The following NFATC2 variants were observed in gnomAD, a reference collection of about 807,000 sequenced individuals.
The protein encoded by NFATC2 is nuclear factor of activated T-cells, cytoplasmic 2.
In NFATC2, 22 loss-of-function variants were observed where a neutral mutation model predicts 87.3. The ratio of observed to expected loss-of-function variants is 0.25; its 90% CI spans 0.18 to 0.36. The LOEUF is 0.36. NFATC2 is among the 10% of genes least tolerant of loss of function. The probability of loss-of-function intolerance (pLI) is 1.00; values close to 1 mark genes in which losing one functional copy is unlikely to be tolerated. For synonymous variants in NFATC2, 565 were observed against 542.2 expected (o/e 1.04, Z -0.58); for missense variants, 1,149 against 1,259.1 (o/e 0.91, Z 1.32).
intron 9 of NFATC2, among the ~76,000 whole-genome samples, chr20:51,403,653 G>A (rs952467496): frequency 1.3e-5 from 2 of 152,064 alleles, no homozygotes; most frequent in Non-Finnish European, 2.9e-5. Context: ...TGGAATTAGT[G>A]GCCTAAGAAG....
chr20:51,391,380 G>C lies in NFATC2; in HGVS notation c.*116C>G, dbSNP rs1986300094. 2.6e-6 allele frequency: 4 copies of C among 1,549,630 alleles called. No individual in the cohort carries two copies. The African/African-American group carries it at 5.6e-5, about 22-fold the overall frequency. On this transcript the variant is annotated 3_prime_UTR_variant, in exon 11 of 11. Transcript: ENST00000371564. ...AGGGGTCAGATACAGAAGGTGTCTT[G>C]CTATAATGGCTTCTTTTACGTCTGA...
intron 1 of NFATC2, among the ~76,000 whole-genome samples, chr20:51,536,016 A>C (rs2076713934): frequency 6.6e-6 from 1 of 152,176 alleles, no homozygotes; most frequent in Non-Finnish European, 1.5e-5. Context: ...TTAAAGATTC[A>C]AGTGCAGGGC....
At chr20:51,465,541 C>T (rs1987598786) in intron 5 of NFATC2, among the ~76,000 whole-genome samples, 1 of 152,134 alleles carries the variant, frequency 6.6e-6, no homozygotes, top group Admixed American at 6.5e-5. Flanking sequence ...TCCCTGGGTA[C>T]CTTTCTCCTC....
At chr20:51,402,479 G>GA (rs11453961) in intron 9 of NFATC2, among the ~76,000 whole-genome samples, 129,322 of 147,926 alleles carry the variant, frequency 0.87, 56,548 homozygotes, top group South Asian at 0.91. Context: ...GCTGCCTTTG[G>GA]AAAAAAAAAA....
intron 6 of NFATC2, among the ~76,000 whole-genome samples, chr20:51,439,301 T>G: frequency 6.6e-6 from 1 of 152,162 alleles, no homozygotes; most frequent in Non-Finnish European, 1.5e-5. Context: ...GAGGCAGGTC[T>G]CCTCACCCCA....
At chr20:51,485,139 T>C (rs1489403459) in intron 3 of NFATC2, among the ~76,000 whole-genome samples, 1 of 152,186 alleles carries the variant, frequency 6.6e-6, no homozygotes, top group South Asian at 2.1e-4. Flanking sequence ...CCAATTACCA[T>C]GTCCACATTT....
intron 3 of NFATC2, among the ~76,000 whole-genome samples, chr20:51,476,384 A>T (rs1050725462): frequency 1.3e-5 from 2 of 152,150 alleles, no homozygotes; most frequent in Non-Finnish European, 2.9e-5. Context: ...AAGTCAAAAG[A>T]TAAAGACTGA....
At chr20:51,433,968 C>T (rs954075066) in intron 8 of NFATC2, among the ~76,000 whole-genome samples, 3 of 152,118 alleles carry the variant, frequency 2.0e-5, no homozygotes, top group South Asian at 2.1e-4. Flanking sequence ...GAGCCAAGGC[C>T]GGGCCACAAA....
At chr20:51,541,487 G>T (rs1334543755) in intron 1 of NFATC2, among the ~76,000 whole-genome samples, 1 of 152,116 alleles carries the variant, frequency 6.6e-6, no homozygotes, top group Non-Finnish European at 1.5e-5. Flanking sequence ...TGTTAAACAC[G>T]TGAAGTGACA....
At chr20:51,441,281 T>C (rs1265381620) in intron 6 of NFATC2, among the ~76,000 whole-genome samples, 1 of 150,150 alleles carries the variant, frequency 6.7e-6, no homozygotes, top group Non-Finnish European at 1.5e-5. Flanking sequence ...AGACTTCATC[T>C]CAAAAATAAA....
intron 5 of NFATC2, among the ~76,000 whole-genome samples, chr20:51,459,378 C>T (rs543741892): frequency 6.6e-6 from 1 of 152,120 alleles, no homozygotes; most frequent in Admixed American, 6.5e-5. Flanking sequence ...GAGAGCAGAT[C>T]GGGGCTCACT....
chr20:51,522,572 TC>T (rs1031771962), intron 2 of NFATC2, among the ~76,000 whole-genome samples: 7 of 121,984 alleles, frequency 5.7e-5, no homozygotes, highest in Admixed American at 1.6e-4. Context: ...CTCACATATT[TC>T]TTTTTTTTTT....
Position 51,524,440 on chromosome 20 carries a change from A to G in NFATC2, c.131-330T>C, listed in dbSNP as rs1367657764. Among the ~76,000 whole-genome samples the G allele has an allele frequency of 6.6e-6, 1 of 152,028 alleles. No homozygotes were observed. Among genetic ancestry groups the G allele is most frequent in the Non-Finnish European group, 1.5e-5 (1 of 67,990 alleles). ...GCCACCATATACACCCACAACTGAA[A>G]CAAAAGCCTCTCGAGTCAATACTTA... On this transcript the variant is annotated intron_variant, in intron 1 of 10. Coordinates refer to ENST00000371564, the MANE Select transcript of NFATC2 (RefSeq NM_012340.5). The surrounding 1 kb of genome is among the most constrained non-coding windows in gnomAD (Gnocchi z 4.0).
intron 5 of NFATC2, 40 bp downstream of exon 5, chr20:51,473,940 C>A (rs369958175): frequency 1.2e-6 from 2 of 1,602,116 alleles, no homozygotes; most frequent in South Asian, 2.2e-5. Context: ...ACGTGCCCTA[C>A]GCTTTCTGAA....
intron 1 of NFATC2, among the ~76,000 whole-genome samples, chr20:51,553,173 T>G (rs1194044996): frequency 6.6e-6 from 1 of 152,132 alleles, no homozygotes; most frequent in African/African-American, 2.4e-5. Flanking sequence ...TCCCTGGGGA[T>G]GCCCTCCTCC....
chr20:51,521,386 T>A (rs561689345), intron 2 of NFATC2, among the ~76,000 whole-genome samples: 26 of 152,306 alleles, frequency 1.7e-4, no homozygotes, highest in Middle Eastern at 6.8e-3. Context: ...AGTGGCATGA[T>A]CTTGGCTCAC....
chr20:51,429,894 T>G (rs1450552591), intron 9 of NFATC2, among the ~76,000 whole-genome samples: 1 of 152,044 alleles, frequency 6.6e-6, no homozygotes, highest in African/African-American at 2.4e-5. Flanking sequence ...TAGAGCTGAC[T>G]CAGGTTTGGA....
chr20:51,424,827 T>TA lies in NFATC2; in HGVS notation c.2722+7239_2722+7240insT, dbSNP rs542268278. ...GGGGAAAATAAGAATACATGTGTAT[T>TA]TGCATATGCTCGGGATTACATTAAA... On this transcript the variant is annotated intron_variant, in intron 9 of 10. Coordinates refer to ENST00000371564, the MANE Select transcript of NFATC2 (RefSeq NM_012340.5). Among the ~76,000 whole-genome samples the TA allele has an allele frequency of 5.3e-5, 8 of 151,700 alleles. No homozygotes were observed. The South Asian group carries it at 1.7e-3, about 32-fold the overall frequency.
chr20:51,467,933 A>G (rs1490180971), intron 5 of NFATC2, among the ~76,000 whole-genome samples: 1 of 152,246 alleles, frequency 6.6e-6, no homozygotes, highest in Non-Finnish European at 1.5e-5. Flanking sequence ...TCAATGGTAA[A>G]TAAACAATTG....
Sources: allele counts gnomAD v4.1 joint callset (sites outside exome capture counted in the v4.1 genomes callset), GRCh38; gene constraint gnomAD v4.1.1; non-coding constraint Gnocchi (gnomAD v3.1); transcripts MANE v1.5; gene names NCBI Gene and HGNC (gene_info 2026-07-23, HGNC 2026-07-21).